Variants in ULK3 observed in about 807,000 individuals in gnomAD.
The protein encoded by ULK3 is unc-51 like kinase 3.
A neutral mutation model predicts 69.4 loss-of-function variants in ULK3; 54 were observed. The observed-to-expected ratio is 0.78, with a 90% confidence interval of 0.63 to 0.98. ULK3 has a LOEUF of 0.98. Among genes scored for constraint, ULK3 ranks in the 50% least tolerant of loss-of-function variants. The pLI is 0.00. For synonymous variants in ULK3, 240 were observed against 254.5 expected, an observed-to-expected ratio of 0.94 and a Z score of 0.54; for missense variants, 558 against 627.7, an observed-to-expected ratio of 0.89 and a Z score of 1.19.
In ULK3 at chr15:74,837,739, C is replaced by A; in HGVS notation, c.1335+12G>T. 1 of 1,592,388 alleles carries A rather than the reference C, an allele frequency of 6.3e-7. No individual in the cohort carries two copies. The highest frequency in any genetic ancestry group is 2.3e-5 in the East Asian group (1 of 44,048). ...ACAGACCCTAGCCCCAGCGTGGCCC[C>A]CATGTGCCCACCTTGACCTGCTCCT... On this transcript the variant is annotated intron_variant, in intron 14 of 15. Coordinates refer to ENST00000440863, the MANE Select transcript of ULK3 (RefSeq NM_001099436.4).
rs763632075 is a variant in ULK3 at position 74,838,412 on chromosome 15, C to T, written c.1167+28G>A. 128 of 1,565,470 alleles carry T rather than the reference C, an allele frequency of 8.2e-5. No individual in the cohort carries two copies. The highest frequency in any genetic ancestry group is 1.5e-4 in the Admixed American group (8 of 52,926). ...GGTATCTCCCTGCCCTGCCCCGACC[C>T]ACCTGGACCCCTCCCACTGGCACAA... On this transcript the variant is annotated intron_variant, in intron 11 of 15. Coordinates refer to ENST00000440863, the MANE Select transcript of ULK3 (RefSeq NM_001099436.4).
Position 74,840,649 on chromosome 15 carries a change from C to T in ULK3, c.470-8G>A. The T allele has an allele frequency of 6.4e-7, 1 of 1,550,564 alleles. No individual in the cohort carries two copies. Among genetic ancestry groups the T allele is most frequent in the Non-Finnish European group, 8.7e-7 (1 of 1,151,076 alleles). ...GTTGTGCGAAACCAAAGTCTGCAGG[C>T]AAGAGGAGAGGCAGCAGGGCTTGAA... On this transcript the variant is annotated splice_polypyrimidine_tract_variant and splice_region_variant and intron_variant, in intron 4 of 15. Coordinates refer to ENST00000440863, the MANE Select transcript of ULK3 (RefSeq NM_001099436.4).
rs531667972 is a variant in ULK3, at chr15:74,839,161, C to T, written c.958+107G>A. The T allele has an allele frequency of 1.5e-4, 233 of 1,530,166 alleles. 3 individuals carry two copies. In the East Asian group the frequency reaches 3.2e-3, roughly 21 times the overall value. The allele number at this position is 1,530,166 out of a possible 1,614,324, so 94.8% of individuals were successfully genotyped here. A position where few individuals can be genotyped will look rare whatever the true frequency, so the allele number is the denominator to read the frequency against. ...ATTCCAGGTTTACGCTCTGCTTTAT[C>T]GCCTACAAAATTCTAGATAGAGAAC... On this transcript the variant is annotated intron_variant, in intron 8 of 15. Transcript: ENST00000440863.
chr15:74,842,805 G>T lies in ULK3; in HGVS notation c.102+199C>A. The stretch of plus-strand genomic sequence containing the variant: ...GTTTTGAGCCTGTTCTTCAGCCACT[G>T]ACCCTGCAGGTGGGTGCAGGTGCGC... On this transcript the variant is annotated intron_variant, in intron 1 of 15. Coordinates refer to ENST00000440863, the MANE Select transcript of ULK3 (RefSeq NM_001099436.4). The surrounding 1 kb of genome is among the most constrained non-coding windows in gnomAD (Gnocchi z 4.9). 7.0e-7 allele frequency: 1 copy of T among 1,427,038 alleles called. No individual in the cohort carries two copies. Among genetic ancestry groups the T allele is most frequent in the Non-Finnish European group, 9.3e-7 (1 of 1,069,820 alleles). 88.4% of individuals were successfully genotyped at this position (1,427,038 alleles called of 1,614,324 possible).
rs1295145606 is a variant in ULK3 at position 74,839,670 on chromosome 15, A to T, written c.740T>A (p.Leu247Gln). The change falls in exon 7 of 16, where the codon CTG becomes CAG. Residue 247 changes from leucine to glutamine, a missense_variant. Transcript: ENST00000440863. ...PLLSRDCRDL[L>Q]QRLLERDPSR... ...GGGGTCCCGCTCCAGGAGCCGCTGC[A>T]GTAGGTCCCGGCAGTCTCGGGAGAG... 1 of 1,554,598 alleles carries T rather than the reference A, an allele frequency of 6.4e-7. No individual in the cohort carries two copies. The highest frequency in any genetic ancestry group is 1.4e-5 in the African/African-American group (1 of 73,378).
rs780671499 is a variant in ULK3, at chr15:74,842,053, G to A, written c.364+22C>T. ...GCAGAGAACAAGGGACAGAGTGTCAGGCTGGTGTCACAGGCCTTTACCTAA... is the reference window on the plus strand; with the variant it reads ...GCAGAGAACAAGGGACAGAGTGTCAAGCTGGTGTCACAGGCCTTTACCTAA... On this transcript the variant is annotated intron_variant, in intron 3 of 15. Coordinates refer to ENST00000440863, the MANE Select transcript of ULK3 (RefSeq NM_001099436.4). The surrounding 1 kb of genome is among the most constrained non-coding windows in gnomAD (Gnocchi z 4.9). 18 of 1,613,298 alleles carry A rather than the reference G, an allele frequency of 1.1e-5. No homozygotes were observed. The South Asian group carries it at 1.9e-4, about 17-fold the overall frequency.
At chr15:74,839,244 C>T (rs1471389940) in intron 8 of ULK3, 24 bp downstream of exon 8, 63 of 1,551,168 alleles carry the variant, frequency 4.1e-5, no homozygotes, top group Non-Finnish European at 5.1e-5. Flanking sequence ...CACCCACGGG[C>T]TTCAGGCATG....
In ULK3 at chr15:74,843,030, C is replaced by T; in HGVS notation, c.76G>A (p.Ala26Thr). The change falls in exon 1 of 16, where the codon GCC becomes ACC. Residue 26 changes from alanine (A) to threonine (T), a missense_variant. Transcript: ENST00000440863. ...TTGGCGTAGGCCTTGTACACCGTGG[C>T]GTACGTGCCGCTGCCCAGGCGCTCG... ...LTERLGSGTYATVYKAYAKKD... is the reference protein window; with the variant it reads ...LTERLGSGTYTTVYKAYAKKD... The T allele has an allele frequency of 6.5e-7, 1 of 1,531,594 alleles. No individual in the cohort carries two copies. The highest frequency in any genetic ancestry group is 8.8e-7 in the Non-Finnish European group (1 of 1,137,584). 94.9% of individuals were successfully genotyped at this position (1,531,594 alleles called of 1,614,324 possible). A position where few individuals can be genotyped will look rare whatever the true frequency, so the allele number is the denominator to read the frequency against.
At position 74,839,376 on chromosome 15, in the gene ULK3, G is replaced by C; in HGVS notation, c.853-3C>G. On this transcript the variant is annotated splice_polypyrimidine_tract_variant and splice_region_variant and intron_variant, in intron 7 of 15. Transcript: ENST00000440863. Reference sequence around the variant, plus strand: ...ACAGCCTGCACCACCAGGGCGGTCTGGGGATGGGCAGATCAGGGGTCAGGT... The same window carrying C: ...ACAGCCTGCACCACCAGGGCGGTCTCGGGATGGGCAGATCAGGGGTCAGGT... 6.4e-7 allele frequency: 1 copy of C among 1,558,060 alleles called. No homozygotes were observed. Among genetic ancestry groups the C allele is most frequent in the Non-Finnish European group, 8.7e-7 (1 of 1,150,592 alleles).
In ULK3 at chr15:74,839,331, C is replaced by A. The variant is rs1038886442; in HGVS notation, c.895G>T (p.Asp299Tyr). 1.6e-5 allele frequency: 25 copies of A among 1,567,298 alleles called. No homozygotes were observed. The East Asian group carries it at 5.7e-4, about 36-fold the overall frequency. ...TAGAGTGATAAGGCAGCTGCTGAAT[C>A]CCCCTCCTGGTCTTTCTTCACAGCC... ...VQAVKKDQEGDSAAALSLYCK... is the reference protein window; with the variant it reads ...VQAVKKDQEGYSAAALSLYCK... Residue 299 changes from aspartate (D) to tyrosine (Y), a missense_variant, in exon 8 of 16, where the codon GAT (aspartate) becomes TAT (tyrosine). Physicochemically the swap from Asp to Tyr is radical, Grantham distance 160. Transcript: ENST00000440863.
Position 74,841,492 on chromosome 15 carries a change from G to C in ULK3, c.382C>G (p.Leu128Val). ...AGGTGAGAGATATTCCGTTCATGCA[G>C]GAATTGCAGGGCGCTAGCTGAGGAG... Reference protein sequence around the residue: ...MQQLASALQFLHERNISHLDL... With the variant: ...MQQLASALQFVHERNISHLDL... Residue 128 changes from leucine (L) to valine (V), a missense_variant, in exon 4 of 16, where the codon CTG (leucine) becomes GTG (valine). Physicochemically the swap from Leu to Val is conservative, Grantham distance 32. Transcript: ENST00000440863. 6.2e-7 allele frequency: 1 copy of C among 1,613,926 alleles called. No homozygotes were observed. The highest frequency in any genetic ancestry group is 8.5e-7 in the Non-Finnish European group (1 of 1,179,868).
At chr15:74,837,941 C>T in intron 13 of ULK3, 143 bp from the exon 14 acceptor site, 1 of 1,180,232 alleles carries the variant, frequency 8.5e-7, no homozygotes, top group Non-Finnish European at 1.2e-6. Flanking sequence ...TTATCTGCTC[C>T]TTCCTCCAGG....
intron 14 of ULK3, 112 bp downstream of exon 14, chr15:74,837,639 C>T: frequency 7.2e-7 from 1 of 1,390,168 alleles, no homozygotes; most frequent in Non-Finnish European, 1.0e-6. Context: ...ACAGGGAGGC[C>T]TGCAGAGGAG....
intron 3 of ULK3, 26 bp from the exon 4 acceptor site, chr15:74,841,535 G>A (rs2064249250): frequency 6.2e-7 from 1 of 1,603,944 alleles, no homozygotes; most frequent in Admixed American, 1.7e-5. Flanking sequence ...CACGAAGAGA[G>A]ACAGTTCAGA....
chr15:74,838,862 G>A, intron 9 of ULK3, 117 bp from the exon 10 acceptor site: 7 of 1,397,054 alleles, frequency 5.0e-6, no homozygotes, highest in Non-Finnish European at 6.9e-6. Context: ...AACATGTCAG[G>A]GGGCAAATGT....
Position 74,838,265 on chromosome 15 carries a change from C to T in ULK3, c.1246+1G>A, listed in dbSNP as rs890157347. ...TGGGGGGCATAAATGGGGGCCCTCA[C>T]CTGCCAGCAACAGCAGTAGCTCCCC... On this transcript the variant is annotated splice_donor_variant, in intron 12 of 15. Coordinates refer to ENST00000440863, the MANE Select transcript of ULK3 (RefSeq NM_001099436.4). LOFTEE classifies it high-confidence loss of function. 1 of 1,561,176 alleles carries T rather than the reference C, an allele frequency of 6.4e-7. No homozygotes were observed. Among genetic ancestry groups the T allele is most frequent in the Non-Finnish European group, 8.7e-7 (1 of 1,152,826 alleles).
intron 8 of ULK3, 27 bp from the exon 9 acceptor site, chr15:74,839,077 G>C: frequency 6.3e-7 from 1 of 1,593,382 alleles, no homozygotes; most frequent in African/African-American, 1.3e-5. Flanking sequence ...CATATGAGGA[G>C]TCTGGGCGAA....
rs1045391410 is a variant in ULK3 at position 74,836,673 on chromosome 15, T to A, written c.*555A>T. The A allele has an allele frequency of 1.3e-5, 2 of 152,802 alleles. No homozygotes were observed. Among genetic ancestry groups the A allele is most frequent in the Non-Finnish European group, 2.9e-5 (2 of 68,518 alleles). 9.5% of individuals were successfully genotyped at this position (152,802 alleles called of 1,614,324 possible). A position where few individuals can be genotyped will look rare whatever the true frequency, so the allele number is the denominator to read the frequency against. ...GAGGGATTAACCTAAAGTACCAAGA[T>A]GGCGGGCAGGTGTGAGTTCCCAGAA... On this transcript the variant is annotated 3_prime_UTR_variant, in exon 16 of 16. Transcript: ENST00000440863. The surrounding 1 kb of genome is among the most constrained non-coding windows in gnomAD (Gnocchi z 4.0).
chr15:74,840,091 C>T (rs541136619), intron 6 of ULK3, 143 bp downstream of exon 6: 2 of 1,067,180 alleles, frequency 1.9e-6, no homozygotes, highest in African/African-American at 1.6e-5. Flanking sequence ...GGCACCTCGA[C>T]TTCCAGCCTA....
Sources: gnomAD v4.1 joint callset for allele counts on GRCh38, gnomAD v4.1.1 for gene constraint, Gnocchi (gnomAD v3.1) non-coding constraint, MANE v1.5 for transcripts, NCBI Gene and HGNC (gene_info 2026-07-23, HGNC 2026-07-21) for gene names.